The following TSHZ3 variants were observed in gnomAD, a reference collection of about 807,000 sequenced individuals.
TSHZ3 encodes teashirt homolog 3.
TSHZ3 carries 10 observed loss-of-function variants against 64.5 expected under a neutral mutation model. The ratio of observed to expected loss-of-function variants is 0.16; its 90% CI spans 0.10 to 0.26. TSHZ3 has a LOEUF of 0.26. Among genes scored for constraint, TSHZ3 ranks in the 10% least tolerant of loss-of-function variants. The pLI is 1.00. For missense variants in TSHZ3, 1,242 were observed against 1,421.7 expected (o/e 0.87, Z 2.03); for synonymous variants, 608 against 593.1 (o/e 1.03, Z -0.36).
At chr19:31,164,507 T>A (rs917770747) in intron 5 of TSHZ3, among the ~76,000 whole-genome samples, 1 of 152,170 alleles carries the variant, frequency 6.6e-6, no homozygotes, top group Non-Finnish European at 1.5e-5. Context: ...ACACACTCCA[T>A]ACACATTTGT....
rs61428496 is a variant in TSHZ3, at chr19:31,199,400, CAAAAAAA to C, written n.809+5549_809+5555del. On this transcript the variant is annotated intron_variant and non_coding_transcript_variant, in intron 5 of 6. Transcript: ENST00000651361. The stretch of plus-strand genomic sequence containing the variant: ...GCCTGATGACAGAGCGAGACTCCGC[CAAAAAAA>C]AAAAAAAAAAAAAAAGAAAAGAAAA... Among the ~76,000 whole-genome samples, 350 of 98,546 alleles carry C rather than the reference CAAAAAAA, an allele frequency of 3.6e-3. 1 individual carries two copies. Among genetic ancestry groups the C allele is most frequent in the Middle Eastern group, 0.013 (2 of 158 alleles). The allele number at this position is 98,546 out of a possible 152,430, so 64.7% of individuals were successfully genotyped here.
At chr19:31,267,949 G>T (rs1305350572) in intron 1 of TSHZ3, among the ~76,000 whole-genome samples, 5 of 152,148 alleles carry the variant, frequency 3.3e-5, no homozygotes, top group Admixed American at 3.3e-4. Flanking sequence ...GTTTGGCTGT[G>T]TCCCCACCCA....
intron 1 of TSHZ3, among the ~76,000 whole-genome samples, chr19:31,322,159 G>A (rs966596912): frequency 5.9e-5 from 9 of 151,982 alleles, no homozygotes; most frequent in African/African-American, 1.9e-4. Flanking sequence ...TTTCTCAGAC[G>A]GAGTCTTGCT....
At chr19:31,293,052 T>C (rs111898760) in intron 1 of TSHZ3, among the ~76,000 whole-genome samples, 51 of 140,370 alleles carry the variant, frequency 3.6e-4, no homozygotes, top group African/African-American at 9.8e-4. Flanking sequence ...CATCCATCCA[T>C]CCAAAAATGT....
At chr19:31,260,262 G>T (rs773237439) in intron 1 of TSHZ3, among the ~76,000 whole-genome samples, 3 of 151,956 alleles carry the variant, frequency 2.0e-5, no homozygotes, top group African/African-American at 7.3e-5. Context: ...CAGTCCCCCC[G>T]CCCAGGTCTC....
chr19:31,205,576 G>C (rs1422786588), intron 4 of TSHZ3, among the ~76,000 whole-genome samples: 1 of 152,168 alleles, frequency 6.6e-6, no homozygotes, highest in East Asian at 1.9e-4. Flanking sequence ...CTGGCTCTGG[G>C]CTGAGCCCGC....
chr19:31,301,355 A>C (rs369606841), intron 1 of TSHZ3, among the ~76,000 whole-genome samples: 4 of 152,188 alleles, frequency 2.6e-5, no homozygotes, highest in East Asian at 3.9e-4. Context: ...CCAGCCCCAC[A>C]CATCTAATGC....
intron 1 of TSHZ3, among the ~76,000 whole-genome samples, chr19:31,309,260 G>A (rs1220848359): frequency 2.0e-5 from 3 of 152,236 alleles, no homozygotes; most frequent in African/African-American, 4.8e-5. Context: ...ACCAGGGTGC[G>A]TGATGTAAGA....
chr19:31,223,524 C>T (rs1398584928), intron 4 of TSHZ3, among the ~76,000 whole-genome samples: 1 of 151,954 alleles, frequency 6.6e-6, no homozygotes, highest in Non-Finnish European at 1.5e-5. Context: ...TGAAAAACTC[C>T]AGTACAAGTG....
In TSHZ3 at chr19:31,276,464, A is replaced by C; in HGVS notation, c.*83T>G. ...AGTTAAAATAAGAACATGTGCCAAG[A>C]ACAACAAGTCAGAGGGGGCCTGAAG... On this transcript the variant is annotated 3_prime_UTR_variant, in exon 2 of 2. Transcript: ENST00000240587. 2.3e-6 allele frequency: 3 copies of C among 1,315,432 alleles called. No homozygotes were observed. The South Asian group carries it at 4.4e-5, about 19-fold the overall frequency. 81.5% of individuals were successfully genotyped at this position (1,315,432 alleles called of 1,614,324 possible). A position where few individuals can be genotyped will look rare whatever the true frequency, so the allele number is the denominator to read the frequency against.
intron 1 of TSHZ3, among the ~76,000 whole-genome samples, chr19:31,298,051 C>A (rs910598578): frequency 2.0e-5 from 3 of 152,140 alleles, no homozygotes; most frequent in Admixed American, 6.5e-5. Context: ...GCTCCTGCGG[C>A]CTCCTAGGTC....
At chr19:31,302,903 T>G (rs1976777713) in intron 1 of TSHZ3, among the ~76,000 whole-genome samples, 1 of 152,176 alleles carries the variant, frequency 6.6e-6, no homozygotes, top group South Asian at 2.1e-4. Context: ...TTGGTGGAAA[T>G]AAGATGTCAC....
At chr19:31,264,815 G>A (rs1251376854) in intron 1 of TSHZ3, among the ~76,000 whole-genome samples, 2 of 151,446 alleles carry the variant, frequency 1.3e-5, no homozygotes, top group Non-Finnish European at 2.9e-5. Flanking sequence ...AATATTCATT[G>A]CGCAGTTCAG....
chr19:31,175,529 G>A (rs974064217), intron 5 of TSHZ3, among the ~76,000 whole-genome samples: 8 of 152,200 alleles, frequency 5.3e-5, no homozygotes, highest in Non-Finnish European at 7.3e-5. Context: ...AGAGGTTCTG[G>A]TAGAGTTGAG....
chr19:31,265,195 G>A (rs1356248717), intron 1 of TSHZ3, among the ~76,000 whole-genome samples: 4 of 151,892 alleles, frequency 2.6e-5, no homozygotes, highest in South Asian at 2.1e-4. Context: ...TCAGGAGTTC[G>A]AGATCAGCCT....
At chr19:31,256,684 C>A (rs1975915383) in intron 1 of TSHZ3, among the ~76,000 whole-genome samples, 1 of 152,222 alleles carries the variant, frequency 6.6e-6, no homozygotes. Context: ...ATGGGAACAG[C>A]CCTCCATTCA....
chr19:31,225,383 C>T (rs756290911), intron 4 of TSHZ3, among the ~76,000 whole-genome samples: 11 of 152,174 alleles, frequency 7.2e-5, no homozygotes, highest in Non-Finnish European at 1.6e-4. Context: ...CCATAGCTGG[C>T]TCACATTGCC....
chr19:31,287,778 G>C (rs1306482212), intron 1 of TSHZ3, among the ~76,000 whole-genome samples: 2 of 152,204 alleles, frequency 1.3e-5, no homozygotes, highest in Non-Finnish European at 2.9e-5. Flanking sequence ...TGGAGCCTGT[G>C]AGTTCTGGTA....
At chr19:31,326,481 C>T (rs574759178) in intron 1 of TSHZ3, among the ~76,000 whole-genome samples, 12 of 152,344 alleles carry the variant, frequency 7.9e-5, no homozygotes, top group South Asian at 2.1e-4. Context: ...AGAAGCCTGG[C>T]GCGTGTGTGT....
Sources: allele counts gnomAD v4.1 joint callset (sites outside exome capture counted in the v4.1 genomes callset), GRCh38; gene constraint gnomAD v4.1.1; transcripts MANE v1.5; gene names NCBI Gene and HGNC (gene_info 2026-07-23, HGNC 2026-07-21).